RPA2: variants seen among roughly 807,000 people sequenced by gnomAD.
RPA2 encodes the protein replication protein A2, also known as replication protein A 32 kDa subunit.
Under a neutral mutation model 33.4 loss-of-function variants are expected in RPA2, and 22 were observed. The observed-to-expected ratio is 0.66, with a 90% CI of 0.47 to 0.94. The LOEUF is 0.94. Ranked by LOEUF, RPA2 falls within the 40% of genes least tolerant of loss-of-function variation. The probability of loss-of-function intolerance (pLI) is 0.00; values close to 1 mark genes in which losing one functional copy is unlikely to be tolerated. For synonymous variants in RPA2, 109 were observed against 114.9 expected (o/e 0.95, Z 0.33); for missense variants, 279 against 329.9 (o/e 0.85, Z 1.19).
chr1:27,893,209 C>CTGAA (rs1165055071), intron 8 of RPA2, among the ~76,000 whole-genome samples: 1 of 152,210 alleles, frequency 6.6e-6, no homozygotes, highest in East Asian at 1.9e-4. Flanking sequence ...TTAGTGCTTG[C>CTGAA]TGAATGAGTG....
rs1371730662 is a variant in RPA2, at chr1:27,906,948, G to A, written c.313C>T (p.Arg105Cys). ...DDMTAAPMDVRQWVDTDDTSS... is the reference protein window; with the variant it reads ...DDMTAAPMDVCQWVDTDDTSS... ...CTTACATCTGTGTCAACCCACTGGC[G>A]AACGTCCATGGGTGCAGCTGTCATG... The change falls in exon 4 of 9, where the codon CGC becomes TGC. Residue 105 changes from arginine to cysteine, a missense_variant. By Grantham distance (180) the Arg-to-Cys change is radical (BLOSUM62 -3). This residue lies in a region of RPA2 where 274 missense variants were observed against 310.3 expected (regional missense o/e 0.88). Transcript: ENST00000373912. 2 of 1,612,962 alleles carry A rather than the reference G, an allele frequency of 1.2e-6. No individual in the cohort carries two copies. Among genetic ancestry groups the A allele is most frequent in the East Asian group, 2.2e-5 (1 of 44,864 alleles).
At chr1:27,905,737 C>T (rs539043594) in intron 4 of RPA2, among the ~76,000 whole-genome samples, 1 of 152,238 alleles carries the variant, frequency 6.6e-6, no homozygotes, top group East Asian at 1.9e-4. Context: ...ATGCCATTCT[C>T]CTGCCTCAGC....
Position 27,897,132 on chromosome 1 carries a change from G to T in RPA2, c.409-11C>A. 6.3e-7 allele frequency: 1 copy of T among 1,576,412 alleles called. No individual in the cohort carries two copies. Among genetic ancestry groups the T allele is most frequent in the Non-Finnish European group, 8.7e-7 (1 of 1,153,172 alleles). Reference sequence around the variant, plus strand: ...CAGGCTCTTTTTGTTCTATTAAAATGAAGGAAAAAAATGTGAATAAAATAT... The same window carrying T: ...CAGGCTCTTTTTGTTCTATTAAAATTAAGGAAAAAAATGTGAATAAAATAT... On this transcript the variant is annotated splice_polypyrimidine_tract_variant and intron_variant, in intron 5 of 8. Coordinates refer to ENST00000373912, the MANE Select transcript of RPA2 (RefSeq NM_002946.5).
intron 4 of RPA2, among the ~76,000 whole-genome samples, chr1:27,905,634 C>T (rs1049964861): frequency 1.3e-5 from 2 of 151,208 alleles, no homozygotes; most frequent in African/African-American, 4.9e-5. Context: ...ATGTAAACTC[C>T]TAAGCTGTGG....
chr1:27,909,220 T>G lies in RPA2; in HGVS notation c.118-1938A>C, dbSNP rs935924048. Among the ~76,000 whole-genome samples the G allele has an allele frequency of 2.6e-5, 4 of 152,176 alleles. No homozygotes were observed. In the East Asian group the frequency reaches 7.7e-4, roughly 29 times the overall value. ...ACTACATGGAAGACTTAGAACACAG[T>G]AGACTCTTGGCCTTCATGGATTTAG... On this transcript the variant is annotated intron_variant, in intron 2 of 8. Coordinates refer to ENST00000373912, the MANE Select transcript of RPA2 (RefSeq NM_002946.5).
intron 4 of RPA2, among the ~76,000 whole-genome samples, chr1:27,905,625 T>G (rs1391375949): frequency 6.6e-6 from 1 of 151,470 alleles, no homozygotes; most frequent in Admixed American, 6.6e-5. Flanking sequence ...CTTTCCTTGA[T>G]GTAAACTCCT....
intron 4 of RPA2, among the ~76,000 whole-genome samples, chr1:27,904,276 A>G (rs2090001883): frequency 1.3e-5 from 2 of 152,204 alleles, no homozygotes; most frequent in Admixed American, 1.3e-4. Flanking sequence ...GTATGTGGAC[A>G]CCTGTATGTA....
At position 27,899,051 on chromosome 1, in the gene RPA2, AC is replaced by A. The variant is rs1258915110; in HGVS notation, c.334-1345del. Among the ~76,000 whole-genome samples the A allele has an allele frequency of 8.5e-5, 13 of 152,208 alleles. No individual in the cohort carries two copies. In the South Asian group the frequency reaches 2.7e-3, roughly 32 times the overall value. On this transcript the variant is annotated intron_variant, in intron 4 of 8. Transcript: ENST00000373912. ...AGTGAGACCTCGTCTCTAAAAACAA[AC>A]AAAAAACTAGAAAATATATGCTTAA... is the stretch of plus-strand genomic sequence containing the variant.
At chr1:27,913,935 G>A in intron 2 of RPA2, 128 bp downstream of exon 2, 4 of 933,554 alleles carry the variant, frequency 4.3e-6, no homozygotes, top group Middle Eastern at 2.9e-4. Context: ...AAGAGATGCA[G>A]ATAATAATAG....
chr1:27,893,796 CGG>C (rs957144213), intron 8 of RPA2, among the ~76,000 whole-genome samples: 2 of 151,272 alleles, frequency 1.3e-5, no homozygotes, highest in Non-Finnish European at 2.9e-5. Context: ...TTAGTAGAAA[CGG>C]GGTTTTCACC....
intron 4 of RPA2, among the ~76,000 whole-genome samples, chr1:27,902,992 C>T (rs1031087838): frequency 7.2e-5 from 11 of 152,128 alleles, no homozygotes; most frequent in African/African-American, 2.4e-4. Flanking sequence ...TGCAATGGCA[C>T]GATCTTGGCT....
intron 2 of RPA2, among the ~76,000 whole-genome samples, chr1:27,911,215 A>G (rs2090092246): frequency 6.6e-6 from 1 of 152,014 alleles, no homozygotes; most frequent in Non-Finnish European, 1.5e-5. Context: ...CTGTCTCAAA[A>G]AAAAAATAAA....
chr1:27,896,709 C>CT (rs1265365360), intron 6 of RPA2, among the ~76,000 whole-genome samples: 1 of 151,758 alleles, frequency 6.6e-6, no homozygotes, highest in Non-Finnish European at 1.5e-5. Flanking sequence ...AATCCTGGAG[C>CT]TAAGAGCTAT....
Position 27,909,236 on chromosome 1 carries a change from A to G in RPA2, c.118-1954T>C, listed in dbSNP as rs556703437. Among the ~76,000 whole-genome samples the G allele has an allele frequency of 3.3e-5, 5 of 152,350 alleles. 1 individual carries two copies. The South Asian group carries it at 1.0e-3, about 32-fold the overall frequency. Reference sequence around the variant, plus strand: ...AGAACACAGTAGACTCTTGGCCTTCATGGATTTAGCAGTCGCAACTCTGAC... The same window carrying G: ...AGAACACAGTAGACTCTTGGCCTTCGTGGATTTAGCAGTCGCAACTCTGAC... On this transcript the variant is annotated intron_variant, in intron 2 of 8. Transcript: ENST00000373912.
At chr1:27,906,557 G>A (rs1334657643) in intron 4 of RPA2, among the ~76,000 whole-genome samples, 3 of 152,030 alleles carry the variant, frequency 2.0e-5, no homozygotes, top group African/African-American at 7.2e-5. Flanking sequence ...GGGCGTGGTG[G>A]CAGGTGCCTG....
At chr1:27,897,598 A>G (rs1019741013) in intron 5 of RPA2, 35 bp downstream of exon 5, 1 of 1,518,180 alleles carries the variant, frequency 6.6e-7, no homozygotes, top group Non-Finnish European at 8.9e-7. Context: ...GCTTCATGCA[A>G]AAACACTTTA....
In RPA2 at chr1:27,891,680, A is replaced by T. The variant is rs2089825180; in HGVS notation, c.*483T>A. The T allele has an allele frequency of 6.5e-6, 1 of 153,512 alleles. No individual in the cohort carries two copies. Among genetic ancestry groups the T allele is most frequent in the Admixed American group, 6.5e-5 (1 of 15,484 alleles). 9.5% of individuals were successfully genotyped at this position (153,512 alleles called of 1,614,324 possible). ...ACACACGTCATGGCAAGTGTGTCAA[A>T]AAGTCATGACAAGCAGGAAAGTGCA... On this transcript the variant is annotated 3_prime_UTR_variant, in exon 9 of 9. Transcript: ENST00000373912.
chr1:27,902,702 G>C (rs1196162756), intron 4 of RPA2, among the ~76,000 whole-genome samples: 1 of 152,040 alleles, frequency 6.6e-6, no homozygotes, highest in Non-Finnish European at 1.5e-5. Context: ...CCAGCACTTT[G>C]GGAGGCTGAG....
chr1:27,907,381 T>G, intron 2 of RPA2, 99 bp from the exon 3 acceptor site: 1 of 951,016 alleles, frequency 1.1e-6, no homozygotes. Context: ...ATTAGAACAT[T>G]GAATTTCAAA....
Sources: gnomAD v4.1 joint callset for allele counts (sites outside exome capture counted in the v4.1 genomes callset) on GRCh38, gnomAD v4.1.1 for gene constraint, gnomAD v4.1.1 regional missense constraint, MANE v1.5 for transcripts, NCBI Gene and HGNC (gene_info 2026-07-23, HGNC 2026-07-21) for gene names.